Variants in LHFPL3 observed in about 807,000 individuals in gnomAD.
LHFPL3 encodes LHFPL tetraspan subfamily member 3, also known as LHFPL tetraspan subfamily member 3 protein.
Under a neutral mutation model 19.3 loss-of-function variants are expected in LHFPL3, and 5 were observed. The observed-to-expected ratio is 0.26, with a 90% CI of 0.14 to 0.54. The LOEUF is 0.54. Ranked by LOEUF, LHFPL3 falls within the 20% of genes least tolerant of loss-of-function variation. The probability of loss-of-function intolerance (pLI) is 0.94; values close to 1 mark genes in which losing one functional copy is unlikely to be tolerated. For missense variants in LHFPL3, 249 were observed against 307.4 expected (o/e 0.81, Z 1.42); for synonymous variants, 133 against 126.2 (o/e 1.05, Z -0.36).
At chr7:104,603,078 C>T (rs1230270991) in intron 1 of LHFPL3, among the ~76,000 whole-genome samples, 1 of 94,116 alleles carries the variant, frequency 1.1e-5, no homozygotes, top group Non-Finnish European at 2.2e-5. Flanking sequence ...TTCTTTCTTT[C>T]TTTCTTTCTT....
At chr7:104,733,429 A>G (rs1417873966) in intron 1 of LHFPL3, among the ~76,000 whole-genome samples, 1 of 152,216 alleles carries the variant, frequency 6.6e-6, no homozygotes, top group Non-Finnish European at 1.5e-5. Context: ...ATATATATTT[A>G]GGATAGTTAG....
intron 1 of LHFPL3, among the ~76,000 whole-genome samples, chr7:104,734,984 T>C (rs1382311606): frequency 2.0e-5 from 3 of 152,214 alleles, no homozygotes; most frequent in Admixed American, 2.0e-4. Flanking sequence ...GGAAGTCCAC[T>C]CCAGACCCTG....
chr7:104,902,508 C>T (rs1306749204), intron 2 of LHFPL3, among the ~76,000 whole-genome samples: 1 of 151,502 alleles, frequency 6.6e-6, no homozygotes, highest in African/African-American at 2.4e-5. Flanking sequence ...GAGATTAGGC[C>T]GGGTGCGGTG....
At chr7:104,442,576 T>C (rs1203992752) in intron 1 of LHFPL3, among the ~76,000 whole-genome samples, 1 of 152,248 alleles carries the variant, frequency 6.6e-6, no homozygotes, top group Non-Finnish European at 1.5e-5. Flanking sequence ...TTTAGGAACC[T>C]AGATTTGTGG....
At chr7:104,786,244 C>T (rs114361336) in intron 2 of LHFPL3, among the ~76,000 whole-genome samples, 1,681 of 152,280 alleles carry the variant, frequency 0.011, 23 homozygotes, top group African/African-American at 0.037. Flanking sequence ...ATTCAGCGAC[C>T]CGCTTGGAAA....
At chr7:104,752,466 T>C (rs2116348167) in intron 2 of LHFPL3, among the ~76,000 whole-genome samples, 1 of 145,332 alleles carries the variant, frequency 6.9e-6, no homozygotes, top group South Asian at 2.3e-4. Context: ...TTACCCTTCC[T>C]ACCTGCTTGT....
chr7:104,491,482 C>A (rs1392642484), intron 1 of LHFPL3, among the ~76,000 whole-genome samples: 7 of 145,174 alleles, frequency 4.8e-5, no homozygotes, highest in East Asian at 2.0e-4. Context: ...AAAAAAAAAA[C>A]AAATTATAGG....
intron 1 of LHFPL3, among the ~76,000 whole-genome samples, chr7:104,498,100 A>AG (rs1365873315): frequency 9.9e-5 from 15 of 152,220 alleles, no homozygotes; most frequent in Admixed American, 9.8e-4. Context: ...ATGGATCCTC[A>AG]GTTTCTTAAA....
At chr7:104,723,021 G>A (rs1793516887) in intron 1 of LHFPL3, among the ~76,000 whole-genome samples, 1 of 152,152 alleles carries the variant, frequency 6.6e-6, no homozygotes, top group Non-Finnish European at 1.5e-5. Context: ...CCAAGTCATA[G>A]GCCCCCTATT....
Position 104,332,907 on chromosome 7 carries a change from A to G in LHFPL3, c.445+3683A>G, listed in dbSNP as rs368410734. Reference sequence around the variant, plus strand: ...AAAATAATGATAATAAGAGATATAAAACTTTCCTAAATCTGTAGAAAGGCA... The same window carrying G: ...AAAATAATGATAATAAGAGATATAAGACTTTCCTAAATCTGTAGAAAGGCA... On this transcript the variant is annotated intron_variant, in intron 1 of 2. Transcript: ENST00000424859. Among the ~76,000 whole-genome samples the G allele has an allele frequency of 7.9e-5, 12 of 151,054 alleles. No homozygotes were observed. In the East Asian group the frequency reaches 2.0e-3, roughly 25 times the overall value.
intron 2 of LHFPL3, among the ~76,000 whole-genome samples, chr7:104,850,681 T>C (rs1791400743): frequency 1.3e-5 from 2 of 152,170 alleles, no homozygotes; most frequent in African/African-American, 4.8e-5. Context: ...CAGAAACTTA[T>C]TAGAAACGCA....
At chr7:104,723,409 G>A (rs1176881706) in intron 1 of LHFPL3, among the ~76,000 whole-genome samples, 11 of 152,042 alleles carry the variant, frequency 7.2e-5, no homozygotes, top group Admixed American at 5.2e-4. Flanking sequence ...GTGAGCTCTC[G>A]TTTCTCTTTA....
intron 2 of LHFPL3, among the ~76,000 whole-genome samples, chr7:104,816,446 T>C (rs1157659046): frequency 6.6e-6 from 1 of 152,206 alleles, no homozygotes; most frequent in Non-Finnish European, 1.5e-5. Context: ...AGATAGTTTA[T>C]ACAAAGCATA....
intron 1 of LHFPL3, among the ~76,000 whole-genome samples, chr7:104,355,097 T>C (rs1790249603): frequency 6.6e-6 from 1 of 152,190 alleles, no homozygotes; most frequent in South Asian, 2.1e-4. Context: ...TGGATATGCC[T>C]GATTATTAGA....
chr7:104,752,942 A>C (rs1315794124), intron 2 of LHFPL3: 1 of 332,764 alleles, frequency 3.0e-6, no homozygotes, highest in Non-Finnish European at 5.4e-6. Flanking sequence ...CAGTTATTAC[A>C]ACTGATGAAC....
chr7:104,617,762 T>G (rs982082742), intron 1 of LHFPL3, among the ~76,000 whole-genome samples: 1 of 152,196 alleles, frequency 6.6e-6, no homozygotes, highest in Non-Finnish European at 1.5e-5. Flanking sequence ...GGTGTTTTCT[T>G]TAATATATTC....
chr7:104,366,225 T>A (rs900003120), intron 1 of LHFPL3, among the ~76,000 whole-genome samples: 1 of 152,144 alleles, frequency 6.6e-6, no homozygotes. Context: ...TCAATAAAGA[T>A]GAGGCCCTAA....
chr7:104,571,335 C>T (rs969004881), intron 1 of LHFPL3, among the ~76,000 whole-genome samples: 2 of 152,096 alleles, frequency 1.3e-5, no homozygotes, highest in African/African-American at 2.4e-5. Context: ...TTTCCTCAGT[C>T]TTCAGTTTTT....
intron 1 of LHFPL3, among the ~76,000 whole-genome samples, chr7:104,558,239 C>A (rs1789897212): frequency 6.6e-6 from 1 of 151,474 alleles, no homozygotes; most frequent in Non-Finnish European, 1.5e-5. Context: ...TTCTAGATCC[C>A]TGAGGAATCG....
Sources: allele counts gnomAD v4.1 joint callset (sites outside exome capture counted in the v4.1 genomes callset), GRCh38; gene constraint gnomAD v4.1.1; transcripts MANE v1.5; gene names NCBI Gene and HGNC (gene_info 2026-07-23, HGNC 2026-07-21).